The following CEP128 variants were observed in gnomAD, a reference collection of about 807,000 sequenced individuals.
CEP128 encodes the protein centrosomal protein 128.
CEP128 carries 132 observed loss-of-function variants against 156.7 expected under a neutral mutation model. The observed-to-expected ratio is 0.84, with a 90% CI of 0.73 to 0.97. The LOEUF is 0.97. CEP128 is among the 50% of genes least tolerant of loss of function. The pLI, the probability that CEP128 is intolerant of heterozygous loss-of-function variation, is 0.00. For missense variants in CEP128, 1,252 were observed against 1,281.9 expected (o/e 0.98, Z 0.36); for synonymous variants, 469 against 448.9 (o/e 1.04, Z -0.57).
At chr14:80,544,794 C>T (rs117171638) in intron 21 of CEP128, among the ~76,000 whole-genome samples, 4,516 of 152,018 alleles carry the variant, frequency 0.03, 92 homozygotes, top group East Asian at 0.087. Context: ...AAAATAATTT[C>T]CAGAATGATA....
At chr14:80,944,291 T>C (rs953472972), upstream of CEP128, among the ~76,000 whole-genome samples, 4 of 152,286 alleles carry the variant, frequency 2.6e-5, no homozygotes, top group African/African-American at 9.6e-5. Context: ...TCTTGAATTG[T>C]AATCCCCACA....
At chr14:80,736,622 C>T (rs769946430) in intron 19 of CEP128, among the ~76,000 whole-genome samples, 1 of 152,076 alleles carries the variant, frequency 6.6e-6, no homozygotes, top group African/African-American at 2.4e-5. Context: ...TGGTCTGTTG[C>T]CAACTGAATA....
At chr14:80,618,154 A>C (rs1345922663) in intron 19 of CEP128, among the ~76,000 whole-genome samples, 1 of 152,236 alleles carries the variant, frequency 6.6e-6, no homozygotes, top group Non-Finnish European at 1.5e-5. Context: ...ATAAGATACT[A>C]TGTCAATACT....
intron 19 of CEP128, among the ~76,000 whole-genome samples, chr14:80,737,241 T>C (rs1898578521): frequency 6.6e-6 from 1 of 151,912 alleles, no homozygotes; most frequent in South Asian, 2.1e-4. Context: ...CCTTCTCTTC[T>C]AATAATACAA....
At chr14:80,561,610 C>A (rs1403043286) in intron 20 of CEP128, among the ~76,000 whole-genome samples, 1 of 152,214 alleles carries the variant, frequency 6.6e-6, no homozygotes, top group African/African-American at 2.4e-5. Context: ...TTTCCCTATA[C>A]CATGGGTTTG....
intron 16 of CEP128, among the ~76,000 whole-genome samples, chr14:80,773,504 T>C (rs1900626233): frequency 6.6e-6 from 1 of 152,162 alleles, no homozygotes; most frequent in African/African-American, 2.4e-5. Flanking sequence ...TAAAATCAAT[T>C]TTTTAAATAT....
At chr14:80,849,498 A>T (rs1886780615) in intron 9 of CEP128, among the ~76,000 whole-genome samples, 2 of 152,350 alleles carry the variant, frequency 1.3e-5, no homozygotes, top group Admixed American at 1.3e-4. Flanking sequence ...TACAAAATCC[A>T]TTAAACGATG....
intron 19 of CEP128, among the ~76,000 whole-genome samples, chr14:80,713,426 CTGTT>C (rs1009084714): frequency 6.6e-6 from 1 of 151,774 alleles, no homozygotes; most frequent in African/African-American, 2.4e-5. Flanking sequence ...TGTGTGTAGG[CTGTT>C]TGTTTGTCTA....
chr14:80,778,380 AAAG>A (rs1900917058), intron 15 of CEP128, among the ~76,000 whole-genome samples: 2 of 152,192 alleles, frequency 1.3e-5, no homozygotes, highest in African/African-American at 4.8e-5. Flanking sequence ...TTGGAAATCC[AAAG>A]AAGAGACACC....
chr14:80,572,795 T>C (rs1313910422), intron 20 of CEP128, among the ~76,000 whole-genome samples: 2 of 152,106 alleles, frequency 1.3e-5, no homozygotes, highest in African/African-American at 2.4e-5. Context: ...TGAGCCAAGG[T>C]ATGTTTTCTG....
intron 19 of CEP128, among the ~76,000 whole-genome samples, chr14:80,636,609 C>T (rs552244300): frequency 9.2e-5 from 14 of 152,300 alleles, no homozygotes; most frequent in African/African-American, 3.4e-4. Flanking sequence ...AACCCCTCAT[C>T]TCTAATCTAT....
chr14:80,537,977 T>C (rs917675436), intron 21 of CEP128, among the ~76,000 whole-genome samples: 1 of 152,190 alleles, frequency 6.6e-6, no homozygotes, highest in Non-Finnish European at 1.5e-5. Context: ...CCGTATCTTA[T>C]TTGCAAAATG....
chr14:80,756,453 T>C (rs900716232), intron 18 of CEP128, among the ~76,000 whole-genome samples: 1 of 152,206 alleles, frequency 6.6e-6, no homozygotes, highest in Non-Finnish European at 1.5e-5. Context: ...CTTCATGTCA[T>C]TGTTCTACCC....
intron 24 of CEP128, among the ~76,000 whole-genome samples, chr14:80,503,742 C>A (rs1181022974): frequency 6.6e-6 from 1 of 152,058 alleles, no homozygotes; most frequent in African/African-American, 2.4e-5. Context: ...TTCTGAGGTG[C>A]CATAACCAAC....
intron 20 of CEP128, among the ~76,000 whole-genome samples, chr14:80,579,069 A>C (rs1167648776): frequency 6.6e-6 from 1 of 152,222 alleles, no homozygotes; most frequent in Non-Finnish European, 1.5e-5. Context: ...CAACATTTGC[A>C]CTGTGAAAGA....
rs554556045 is a variant in CEP128, at chr14:80,876,335, T to C, written c.646-13462A>G. On this transcript the variant is annotated intron_variant, in intron 8 of 24. Coordinates refer to ENST00000555265, the MANE Select transcript of CEP128 (RefSeq NM_152446.5). ...GCATCAGGCCGGGCGCAGTGGCTCA[T>C]GCCTGTAATCCCAGCACTTTGGGAG... Among the ~76,000 whole-genome samples, 12 of 151,960 alleles carry C rather than the reference T, an allele frequency of 7.9e-5. No individual in the cohort carries two copies. In the East Asian group the frequency reaches 9.6e-4, roughly 12 times the overall value.
chr14:80,868,073 G>T (rs757638354), intron 8 of CEP128, among the ~76,000 whole-genome samples: 1 of 151,952 alleles, frequency 6.6e-6, no homozygotes, highest in Admixed American at 6.6e-5. Flanking sequence ...GCAGGGGGTG[G>T]GGGGAGACAG....
intron 16 of CEP128, among the ~76,000 whole-genome samples, chr14:80,767,237 G>A (rs1900284253): frequency 6.6e-6 from 1 of 152,014 alleles, no homozygotes. Flanking sequence ...TAGGAAACTT[G>A]GAAATAATTT....
intron 13 of CEP128, among the ~76,000 whole-genome samples, chr14:80,806,955 T>C (rs1170699147): frequency 2.8e-5 from 4 of 142,898 alleles, no homozygotes; most frequent in African/African-American, 1.2e-4. Flanking sequence ...ACAGTAACTT[T>C]GTGCACTTGG....
Sources: allele counts gnomAD v4.1 joint callset (sites outside exome capture counted in the v4.1 genomes callset), GRCh38; gene constraint gnomAD v4.1.1; transcripts MANE v1.5; gene names NCBI Gene and HGNC (gene_info 2026-07-23, HGNC 2026-07-21).